NAV1: variants seen among roughly 807,000 people sequenced by gnomAD.
NAV1 encodes the protein pore membrane and/or filament interacting like protein 3.
A neutral mutation model predicts 175.2 loss-of-function variants in NAV1; 18 were observed. The observed-to-expected ratio is 0.10, with a 90% confidence interval of 0.07 to 0.15. The LOEUF (loss-of-function observed/expected upper bound fraction) is 0.15, where lower values mean the gene tolerates loss of function less well. Ranked by LOEUF, NAV1 falls within the 10% of genes least tolerant of loss-of-function variation. The pLI, the probability that NAV1 is intolerant of heterozygous loss-of-function variation, is 1.00. For missense variants in NAV1, 1,731 were observed against 2,436.6 expected (o/e 0.71, Z 6.10); for synonymous variants, 897 against 978.7 (o/e 0.92, Z 1.56).
At chr1:201,574,968 G>A (rs1213443092) in intron 1 of NAV1, among the ~76,000 whole-genome samples, 4 of 152,180 alleles carry the variant, frequency 2.6e-5, no homozygotes, top group Non-Finnish European at 4.4e-5. Context: ...CTCTAACATG[G>A]GGAGAGGAAA....
At position 201,782,787 on chromosome 1, in the gene NAV1, G is replaced by T. The variant is rs1676418851; in HGVS notation, c.2275G>T (p.Gly759Cys). The change falls in exon 6 of 30, where the codon GGC (glycine) becomes TGC (cysteine). Residue 759 changes from glycine (G) to cysteine (C), a missense_variant. Gly to Cys is a radical substitution (Grantham distance 159). Around this residue, in one of 13 missense-constraint regions of NAV1, gnomAD observed 634 missense variants for 766.8 expected, o/e 0.83. Transcript: ENST00000367296. This position sits in a 1 kb window ranked among gnomAD's most constrained non-coding sequence, Gnocchi z 5.4. ...AGACAACATCTCCTTGAAGAGTATT[G>T]GCTCCCCAGAAAGTACTCCCAAGAA... 1.2e-6 allele frequency: 2 copies of T among 1,613,784 alleles called. No homozygotes were observed. Among genetic ancestry groups the T allele is most frequent in the Non-Finnish European group, 1.7e-6 (2 of 1,179,844 alleles).
intron 1 of NAV1, among the ~76,000 whole-genome samples, chr1:201,566,328 C>G (rs1666355602): frequency 6.6e-6 from 1 of 152,014 alleles, no homozygotes; most frequent in Non-Finnish European, 1.5e-5. Flanking sequence ...GAAGGCTTCC[C>G]CCTGAGCCCA....
intron 3 of NAV1, among the ~76,000 whole-genome samples, chr1:201,778,210 C>G (rs1165804242): frequency 6.6e-6 from 1 of 152,198 alleles, no homozygotes; most frequent in African/African-American, 2.4e-5. Context: ...ATAAATCCCT[C>G]TCCTCCATTT....
intron 2 of NAV1, among the ~76,000 whole-genome samples, chr1:201,642,189 C>CTT (rs1668783270): frequency 8.7e-5 from 12 of 138,046 alleles, no homozygotes; most frequent in Admixed American, 2.9e-4. Context: ...TCCTTCCTTC[C>CTT]CTCCTTTCTT....
chr1:201,662,714 T>C (rs562239617), intron 1 of NAV1, among the ~76,000 whole-genome samples: 1 of 152,258 alleles, frequency 6.6e-6, no homozygotes, highest in Non-Finnish European at 1.5e-5. Flanking sequence ...TTTCCACTTC[T>C]CCTGCAGGCC....
intron 1 of NAV1, among the ~76,000 whole-genome samples, chr1:201,577,472 ATTTTTTTTTTT>A (rs36112197): frequency 2.0e-5 from 2 of 97,912 alleles, no homozygotes; most frequent in Admixed American, 1.1e-4. Flanking sequence ...TGAGACTTAG[ATTTTTTTTTTT>A]TTTTTTTTTT....
chr1:201,672,721 A>G (rs1168257973), intron 1 of NAV1, among the ~76,000 whole-genome samples: 1 of 152,216 alleles, frequency 6.6e-6, no homozygotes, highest in Non-Finnish European at 1.5e-5. Context: ...GTGGCTTTGC[A>G]GAGGGATATA....
chr1:201,679,122 C>A (rs941245291), intron 1 of NAV1, among the ~76,000 whole-genome samples: 1 of 152,166 alleles, frequency 6.6e-6, no homozygotes, highest in Non-Finnish European at 1.5e-5. Context: ...GGGAGCCAAC[C>A]TCCTGAGCCT....
chr1:201,676,394 CA>C (rs1328490843), intron 1 of NAV1, among the ~76,000 whole-genome samples: 3 of 152,236 alleles, frequency 2.0e-5, no homozygotes, highest in African/African-American at 7.2e-5. Flanking sequence ...GACTGAAATG[CA>C]GCTGCCCAGA....
At chr1:201,566,405 G>T (rs1666357618) in intron 1 of NAV1, among the ~76,000 whole-genome samples, 1 of 152,082 alleles carries the variant, frequency 6.6e-6, no homozygotes, top group Non-Finnish European at 1.5e-5. Flanking sequence ...ATTGCTCAGG[G>T]TGCACACCCT....
At chr1:201,732,857 G>A (rs527968452) in intron 3 of NAV1, among the ~76,000 whole-genome samples, 1 of 151,790 alleles carries the variant, frequency 6.6e-6, no homozygotes, top group South Asian at 2.1e-4. Context: ...GATCACTTGA[G>A]GTCAGGAGTT....
Position 201,782,620 on chromosome 1 carries a change from T to C in NAV1, c.2108T>C (p.Leu703Pro). The change falls in exon 6 of 30, where the codon CTC (leucine) becomes CCC (proline). Residue 703 changes from leucine to proline, a missense_variant. Physicochemically the swap from Leu to Pro is moderately conservative, Grantham distance 98. Coordinates refer to ENST00000367296, the Ensembl canonical transcript of NAV1. The surrounding 1 kb of genome is among the most constrained non-coding windows in gnomAD (Gnocchi z 5.4). ...AGCAGCAGCATTGACCCCAGTCTCCTCAGCACCAAGCAGGGAGGCCTTACG... is the reference window on the plus strand; with the variant it reads ...AGCAGCAGCATTGACCCCAGTCTCCCCAGCACCAAGCAGGGAGGCCTTACG... The C allele has an allele frequency of 1.1e-5, 18 of 1,614,014 alleles. No individual in the cohort carries two copies. The highest frequency in any genetic ancestry group is 1.5e-5 in the Non-Finnish European group (18 of 1,180,002).
intron 3 of NAV1, among the ~76,000 whole-genome samples, chr1:201,737,070 C>G (rs1284137488): frequency 6.6e-6 from 1 of 152,098 alleles, no homozygotes; most frequent in Non-Finnish European, 1.5e-5. Context: ...AGGTCAGGGC[C>G]CCTTCAAGCG....
intron 1 of NAV1, among the ~76,000 whole-genome samples, chr1:201,577,861 C>T (rs1666739014): frequency 1.3e-5 from 2 of 152,180 alleles, no homozygotes; most frequent in South Asian, 4.1e-4. Flanking sequence ...AATGAGAAAT[C>T]TACTGTCATT....
In NAV1 at chr1:201,718,264, G is replaced by C. The variant is rs750069612; in HGVS notation, c.861-126G>C. The C allele has an allele frequency of 6.5e-5, 64 of 991,946 alleles. No homozygotes were observed. In the Middle Eastern group the frequency reaches 1.4e-3, roughly 22 times the overall value. The allele number at this position is 991,946 out of a possible 1,614,324, so 61.4% of individuals were successfully genotyped here. A position where few individuals can be genotyped will look rare whatever the true frequency, so the allele number is the denominator to read the frequency against. Reference sequence around the variant, plus strand: ...AGGCCTCATGGAGGAGGTGGAGCTTGGGCAGGTGGGGAGGAGGTGACAGGG... The same window carrying C: ...AGGCCTCATGGAGGAGGTGGAGCTTCGGCAGGTGGGGAGGAGGTGACAGGG... On this transcript the variant is annotated intron_variant, in intron 2 of 29. Transcript: ENST00000367296. The surrounding 1 kb of genome is among the most constrained non-coding windows in gnomAD (Gnocchi z 4.8).
chr1:201,820,816 C>G (rs202197318), exon 30 of NAV1: 2 of 147,510 alleles, frequency 1.4e-5, no homozygotes, highest in Non-Finnish European at 3.0e-5. Flanking sequence ...TTTTGTTTCC[C>G]TTTTTTTTTT....
At chr1:201,789,243 G>C (rs1280939574) in intron 10 of NAV1, among the ~76,000 whole-genome samples, 3 of 152,086 alleles carry the variant, frequency 2.0e-5, no homozygotes, top group Non-Finnish European at 4.4e-5. Flanking sequence ...CTCACCATAG[G>C]TTCTACTGAA....
chr1:201,613,734 C>T (rs955938503), intron 2 of NAV1, among the ~76,000 whole-genome samples: 13 of 152,016 alleles, frequency 8.6e-5, no homozygotes, highest in African/African-American at 2.7e-4. Flanking sequence ...TGGTGGCACA[C>T]GCCTGTAATC....
intron 13 of NAV1, chr1:201,791,159 G>T: frequency 5.2e-6 from 1 of 193,680 alleles, no homozygotes; most frequent in East Asian, 1.2e-4. Context: ...GCCCTGGGGG[G>T]TGTTCATGTC....
Sources: allele counts gnomAD v4.1 joint callset (sites outside exome capture counted in the v4.1 genomes callset), GRCh38; gene constraint gnomAD v4.1.1; regional missense constraint gnomAD v4.1.1; non-coding constraint Gnocchi (gnomAD v3.1); transcripts MANE v1.5; gene names NCBI Gene and HGNC (gene_info 2026-07-23, HGNC 2026-07-21).